The following ZMAT4 variants were observed in gnomAD, a reference collection of about 807,000 sequenced individuals.
ZMAT4 encodes zinc finger matrin-type protein 4.
A neutral mutation model predicts 28.7 loss-of-function variants in ZMAT4; 17 were observed. That is an observed-to-expected ratio of 0.59 (90% CI 0.41 to 0.89). The LOEUF (loss-of-function observed/expected upper bound fraction) is 0.89. ZMAT4 is among the 40% of genes least tolerant of loss of function. ZMAT4 has a pLI of 0.00. For synonymous variants in ZMAT4, 117 were observed against 109.2 expected (o/e 1.07, Z -0.44); for missense variants, 240 against 283.8 (o/e 0.85, Z 1.11).
Position 40,581,300 on chromosome 8 carries a change from C to A in ZMAT4, c.578-39G>T. On this transcript the variant is annotated intron_variant, in intron 5 of 6. Coordinates refer to ENST00000297737, the MANE Select transcript of ZMAT4 (RefSeq NM_024645.3). ...ACAGACCTGGTTAGCTGCATCCAGT[C>A]GTCAACCACCTGAAATGAATCCTAG... The A allele has an allele frequency of 2.6e-6, 4 of 1,544,816 alleles. No homozygotes were observed. The South Asian group carries it at 4.5e-5, about 17-fold the overall frequency.
chr8:40,796,006 C>A (rs147444928), intron 2 of ZMAT4, among the ~76,000 whole-genome samples: 2 of 152,308 alleles, frequency 1.3e-5, no homozygotes, highest in African/African-American at 2.4e-5. Context: ...TCTTCAATAG[C>A]AACTCTGGTG....
chr8:40,575,386 A>G (rs961659405), intron 6 of ZMAT4, among the ~76,000 whole-genome samples: 18 of 152,090 alleles, frequency 1.2e-4, no homozygotes, highest in African/African-American at 4.3e-4. Flanking sequence ...AACAGCTTGA[A>G]AGCTTCATCC....
rs534216105 is a variant in ZMAT4, at chr8:40,561,944, G to A, written c.674+19221C>T. Among the ~76,000 whole-genome samples, 101 of 152,246 alleles carry A rather than the reference G, an allele frequency of 6.6e-4. 1 individual carries two copies. The South Asian group carries it at 7.5e-3, about 11-fold the overall frequency. On this transcript the variant is annotated intron_variant, in intron 6 of 6. Transcript: ENST00000297737. ...TGTGTGAGTGTATGTCTGTGTGTAA[G>A]AGAGAAAAAGAGAGGGAGAGACAGA...
intron 3 of ZMAT4, among the ~76,000 whole-genome samples, chr8:40,754,022 A>T (rs1563459469): frequency 6.6e-6 from 1 of 152,062 alleles, no homozygotes; most frequent in Non-Finnish European, 1.5e-5. Context: ...AAATACAAAA[A>T]TTAGCTGGGC....
chr8:40,624,594 G>A (rs1174252244), intron 5 of ZMAT4, among the ~76,000 whole-genome samples: 1 of 152,162 alleles, frequency 6.6e-6, no homozygotes, highest in Non-Finnish European at 1.5e-5. Context: ...AGAAATATTT[G>A]TTAAATAAAG....
At chr8:40,655,776 C>A (rs1807892190) in intron 5 of ZMAT4, among the ~76,000 whole-genome samples, 1 of 152,028 alleles carries the variant, frequency 6.6e-6, no homozygotes, top group African/African-American at 2.4e-5. Flanking sequence ...TGGATTCTTA[C>A]TTCAAATCAC....
intron 6 of ZMAT4, among the ~76,000 whole-genome samples, chr8:40,547,144 C>A (rs1305373506): frequency 6.6e-6 from 1 of 152,188 alleles, no homozygotes; most frequent in African/African-American, 2.4e-5. Context: ...CTAAATGGAA[C>A]TCTTAGCGGG....
At chr8:40,884,942 A>C (rs985448415) in intron 1 of ZMAT4, 3 of 152,150 alleles carry the variant, frequency 2.0e-5, no homozygotes, top group Non-Finnish European at 2.9e-5. Flanking sequence ...TAAAATATCT[A>C]CTATCTGGCT....
At chr8:40,560,649 A>G (rs1350733495) in intron 6 of ZMAT4, among the ~76,000 whole-genome samples, 1 of 152,124 alleles carries the variant, frequency 6.6e-6, no homozygotes, top group Non-Finnish European at 1.5e-5. Flanking sequence ...TTTGCCTGAT[A>G]ATATGAATGA....
intron 3 of ZMAT4, among the ~76,000 whole-genome samples, chr8:40,739,587 C>G (rs551741050): frequency 3.5e-4 from 53 of 152,338 alleles, no homozygotes; most frequent in African/African-American, 1.3e-3. Context: ...AAGCTACTTA[C>G]TCACTATGTG....
intron 1 of ZMAT4, among the ~76,000 whole-genome samples, chr8:40,862,630 A>G (rs947759377): frequency 1.0e-4 from 15 of 150,026 alleles, no homozygotes; most frequent in African/African-American, 2.9e-4. Flanking sequence ...ACCATGGAAT[A>G]CTATGCAGCC....
In ZMAT4 at chr8:40,581,174, T is replaced by C. The variant is rs1193597880; in HGVS notation, c.665A>G (p.His222Arg). The C allele has an allele frequency of 6.2e-7, 1 of 1,612,114 alleles. No homozygotes were observed. ...GCACAAAAGTACCTACTTGGTCTGG[T>C]GTTTAGATCCTTTCAGATGGGCATG... ...QYHAHLKGSKHQTNLKNK is the reference protein window; with the variant it reads ...QYHAHLKGSKRQTNLKNK Residue 222 changes from histidine to arginine, a missense_variant, in exon 6 of 7, where the codon CAC becomes CGC. Coordinates refer to ENST00000297737, the MANE Select transcript of ZMAT4 (RefSeq NM_024645.3).
chr8:40,879,613 G>A (rs532899113), intron 1 of ZMAT4, among the ~76,000 whole-genome samples: 1 of 152,072 alleles, frequency 6.6e-6, no homozygotes, highest in Non-Finnish European at 1.5e-5. Context: ...AGGCAACTGG[G>A]TCTCATTTTC....
chr8:40,846,069 T>C (rs1475668786), intron 1 of ZMAT4, among the ~76,000 whole-genome samples: 1 of 152,182 alleles, frequency 6.6e-6, no homozygotes, highest in Admixed American at 6.5e-5. Context: ...AGACAGCAGC[T>C]GGATCTGTCA....
intron 4 of ZMAT4, among the ~76,000 whole-genome samples, chr8:40,684,910 G>A (rs1472502502): frequency 1.3e-5 from 2 of 152,042 alleles, no homozygotes; most frequent in African/African-American, 4.8e-5. Flanking sequence ...CTGAAAAAAG[G>A]GACCTCATGG....
chr8:40,663,854 C>T (rs1026987428), intron 5 of ZMAT4, among the ~76,000 whole-genome samples: 10 of 152,136 alleles, frequency 6.6e-5, no homozygotes, highest in Non-Finnish European at 8.8e-5. Flanking sequence ...AGATACAATA[C>T]ATACAGCTTT....
intron 1 of ZMAT4, among the ~76,000 whole-genome samples, chr8:40,883,331 G>A (rs972645375): frequency 3.3e-5 from 5 of 152,108 alleles, no homozygotes; most frequent in Admixed American, 3.3e-4. Context: ...TTCTTTTCCT[G>A]TAGACATGGA....
chr8:40,708,182 C>T (rs914625912), intron 3 of ZMAT4, among the ~76,000 whole-genome samples: 2 of 152,190 alleles, frequency 1.3e-5, no homozygotes, highest in Non-Finnish European at 2.9e-5. Context: ...GCAATGAGAG[C>T]TCTGCTGGAC....
At chr8:40,602,629 T>C (rs1482305470) in intron 5 of ZMAT4, among the ~76,000 whole-genome samples, 1 of 152,222 alleles carries the variant, frequency 6.6e-6, no homozygotes, top group Non-Finnish European at 1.5e-5. Flanking sequence ...ATTAGTGATG[T>C]TGAGCATTTT....
Sources: allele counts gnomAD v4.1 joint callset (sites outside exome capture counted in the v4.1 genomes callset), GRCh38; gene constraint gnomAD v4.1.1; transcripts MANE v1.5; gene names NCBI Gene and HGNC (gene_info 2026-07-23, HGNC 2026-07-21).